Variants in EIF4B observed in about 807,000 individuals in gnomAD.
EIF4B encodes eukaryotic translation initiation factor 4B.
In EIF4B, 8 loss-of-function variants were observed where a neutral mutation model predicts 79.3. That is an observed-to-expected ratio of 0.10 (90% CI 0.06 to 0.18). EIF4B has a LOEUF of 0.18. EIF4B is among the 10% of genes least tolerant of loss of function. EIF4B has a pLI of 1.00. For synonymous variants in EIF4B, 238 were observed against 274.7 expected (o/e 0.87, Z 1.32); for missense variants, 515 against 792.4 (o/e 0.65, Z 4.20).
chr12:53,018,226 T>G (rs1943179244), intron 2 of EIF4B, among the ~76,000 whole-genome samples: 1 of 152,160 alleles, frequency 6.6e-6, no homozygotes. Flanking sequence ...TGACCTCAGG[T>G]GATCACCCAC....
intron 1 of EIF4B, chr12:53,008,477 T>C (rs1943006535): frequency 6.6e-6 from 1 of 152,264 alleles, no homozygotes; most frequent in African/African-American, 2.4e-5. Context: ...ACACTGGCTT[T>C]GTGAAGTAAC....
rs1306553313 is a variant in EIF4B, at chr12:53,021,943, G to A, written c.532+83G>A. The A allele has an allele frequency of 4.6e-6, 7 of 1,518,436 alleles. No individual in the cohort carries two copies. The East Asian group carries it at 1.6e-4, about 34-fold the overall frequency. 94.1% of individuals were successfully genotyped at this position (1,518,436 alleles called of 1,614,324 possible). On this transcript the variant is annotated intron_variant, in intron 5 of 14. Coordinates refer to ENST00000262056, the MANE Select transcript of EIF4B (RefSeq NM_001417.7). Reference sequence around the variant, plus strand: ...TCCTTTCCCAGAAAATTTGAATAGGGGTAGTGGTGGGCCTGCCTGAATCTA... The same window carrying A: ...TCCTTTCCCAGAAAATTTGAATAGGAGTAGTGGTGGGCCTGCCTGAATCTA...
intron 11 of EIF4B, 77 bp downstream of exon 11, chr12:53,037,699 CG>C: frequency 6.6e-7 from 1 of 1,505,662 alleles, no homozygotes. Flanking sequence ...AGATCTCCTA[CG>C]GGATGCCAGC....
chr12:53,024,120 T>G (rs907231445), intron 6 of EIF4B, among the ~76,000 whole-genome samples: 14 of 151,930 alleles, frequency 9.2e-5, no homozygotes, highest in Non-Finnish European at 1.8e-4. Context: ...GAAAGATAGG[T>G]GAGTGGGAAA....
intron 1 of EIF4B, among the ~76,000 whole-genome samples, 172 bp downstream of exon 1, chr12:53,006,668 G>T (rs973865719): frequency 6.6e-6 from 1 of 151,600 alleles, no homozygotes; most frequent in African/African-American, 2.4e-5. Context: ...GATGTTTGGG[G>T]GGGAGGGGAA....
intron 1 of EIF4B, among the ~76,000 whole-genome samples, chr12:53,012,964 T>C (rs1258966954): frequency 1.3e-5 from 2 of 152,206 alleles, no homozygotes; most frequent in South Asian, 2.1e-4. Context: ...GGGAGACTTG[T>C]GATTTGAAAA....
At chr12:53,023,022 C>T (rs904888922) in intron 6 of EIF4B, among the ~76,000 whole-genome samples, 22 of 151,954 alleles carry the variant, frequency 1.4e-4, no homozygotes, top group Admixed American at 2.6e-4. Flanking sequence ...AAAAAGCTGA[C>T]GTGGTGGTAC....
chr12:53,016,724 C>T, intron 2 of EIF4B, 114 bp downstream of exon 2: 2 of 1,386,152 alleles, frequency 1.4e-6, no homozygotes, highest in Non-Finnish European at 9.6e-7. Flanking sequence ...TTTTTTAGCA[C>T]CTGAAATCTT....
intron 6 of EIF4B, among the ~76,000 whole-genome samples, 162 bp from the exon 7 acceptor site, chr12:53,027,620 A>G (rs1009917901): frequency 2.4e-4 from 36 of 152,172 alleles, no homozygotes; most frequent in African/African-American, 8.7e-4. Context: ...CCCTTCCCAA[A>G]TTATTAGCTG....
intron 3 of EIF4B, 23 bp downstream of exon 3, chr12:53,019,029 T>G: frequency 6.2e-7 from 1 of 1,609,236 alleles, no homozygotes. Context: ...GTTGTAATAA[T>G]TAACTAGATA....
chr12:53,027,016 G>A (rs1049880514), intron 6 of EIF4B, among the ~76,000 whole-genome samples: 1 of 151,480 alleles, frequency 6.6e-6, no homozygotes, highest in Non-Finnish European at 1.5e-5. Context: ...GAGGCTGGGT[G>A]TTACGGCTCA....
intron 1 of EIF4B, 135 bp downstream of exon 1, chr12:53,006,631 C>T (rs931305783): frequency 4.9e-5 from 74 of 1,504,926 alleles, no homozygotes; most frequent in Admixed American, 5.3e-5. Context: ...AGGCTGGCGG[C>T]GTGGCCCTGT....
At chr12:53,034,075 G>T in intron 9 of EIF4B, 41 bp downstream of exon 9, 2 of 1,557,398 alleles carry the variant, frequency 1.3e-6, no homozygotes. Context: ...GAATCCGGTG[G>T]TTCGTAATGG....
At chr12:53,039,167 A>G in intron 12 of EIF4B, 71 bp from the exon 13 acceptor site, 1 of 1,151,364 alleles carries the variant, frequency 8.7e-7, no homozygotes, top group South Asian at 1.4e-5. Flanking sequence ...CTTCAGCTTA[A>G]GGGAAATCTT....
intron 6 of EIF4B, chr12:53,025,314 C>G: frequency 2.2e-6 from 1 of 449,216 alleles, no homozygotes; most frequent in Non-Finnish European, 4.5e-6. Context: ...CACCTGAAAC[C>G]TTGAATTTAG....
intron 1 of EIF4B, among the ~76,000 whole-genome samples, chr12:53,015,355 C>G (rs1182786151): frequency 6.6e-6 from 1 of 152,122 alleles, no homozygotes; most frequent in African/African-American, 2.4e-5. Context: ...TTTCACTTAA[C>G]CTCTCTGAGA....
chr12:53,034,265 T>A (rs949968826), intron 9 of EIF4B, among the ~76,000 whole-genome samples: 1 of 152,200 alleles, frequency 6.6e-6, no homozygotes, highest in African/African-American at 2.4e-5. Context: ...TATTAAAAGC[T>A]GGTATTGTAT....
rs780147419 is a variant in EIF4B at position 53,038,425 on chromosome 12, A to T, written c.1576+14A>T. 45 of 1,579,164 alleles carry T rather than the reference A, an allele frequency of 2.8e-5. No homozygotes were observed. Among genetic ancestry groups the T allele is most frequent in the Non-Finnish European group, 3.9e-5 (45 of 1,165,436 alleles). On this transcript the variant is annotated intron_variant, in intron 12 of 14. Coordinates refer to ENST00000262056, the MANE Select transcript of EIF4B (RefSeq NM_001417.7). ...CAGGAAGGAAAGGTGAGCTCATAGT[A>T]TGGGAAATAGGTTTTTCACCTAGAA...
At chr12:53,011,034 C>G (rs1943056105) in intron 1 of EIF4B, among the ~76,000 whole-genome samples, 1 of 152,094 alleles carries the variant, frequency 6.6e-6, no homozygotes, top group African/African-American at 2.4e-5. Context: ...GATGCCAAGG[C>G]AAGAGGATCA....
Sources: gnomAD v4.1 joint callset for allele counts (sites outside exome capture counted in the v4.1 genomes callset) on GRCh38, gnomAD v4.1.1 for gene constraint, MANE v1.5 for transcripts, NCBI Gene and HGNC (gene_info 2026-07-23, HGNC 2026-07-21) for gene names.